SAMD12: variants seen among roughly 807,000 people sequenced by gnomAD.
The protein encoded by SAMD12 is sterile alpha motif domain containing 12.
Under a neutral mutation model 15.0 loss-of-function variants are expected in SAMD12, and 9 were observed. That is an observed-to-expected ratio of 0.60 (90% CI 0.36 to 1.05). The LOEUF (loss-of-function observed/expected upper bound fraction) is 1.05. Among genes scored for constraint, SAMD12 ranks in the 50% least tolerant of loss-of-function variants. The pLI is 0.01. For missense variants in SAMD12, 230 were observed against 234.2 expected (o/e 0.98, Z 0.12); for synonymous variants, 86 against 90.1 (o/e 0.96, Z 0.25).
At chr8:118,590,608 G>A (rs1321705962) in intron 1 of SAMD12, among the ~76,000 whole-genome samples, 1 of 152,234 alleles carries the variant, frequency 6.6e-6, no homozygotes, top group African/African-American at 2.4e-5. Flanking sequence ...AACTCTACCT[G>A]GCAGTAAGTA....
At chr8:118,510,243 C>T (rs189452348) in intron 2 of SAMD12, among the ~76,000 whole-genome samples, 2 of 152,126 alleles carry the variant, frequency 1.3e-5, no homozygotes, top group African/African-American at 4.8e-5. Context: ...CACAAACACG[C>T]ACACATGCAT....
At chr8:118,436,142 A>ATT (rs11422235) in intron 3 of SAMD12, among the ~76,000 whole-genome samples, 1 of 151,852 alleles carries the variant, frequency 6.6e-6, no homozygotes, top group African/African-American at 2.4e-5. Flanking sequence ...TGCAAGCACA[A>ATT]TTTTTTCCTA....
chr8:118,562,687 C>T (rs904539230), intron 2 of SAMD12, among the ~76,000 whole-genome samples: 5 of 152,080 alleles, frequency 3.3e-5, no homozygotes, highest in South Asian at 4.1e-4. Context: ...ACAGCATGCA[C>T]GATGCAGTAA....
the SAMD12 span, among the ~76,000 whole-genome samples, chr8:118,183,166 C>T: frequency 6.6e-6 from 1 of 152,108 alleles, no homozygotes; most frequent in Non-Finnish European, 1.5e-5. Context: ...AGGGAGGCAC[C>T]CAATAAGTAC....
intron 4 of SAMD12, among the ~76,000 whole-genome samples, chr8:118,245,448 G>A (rs75423969): frequency 3.2e-4 from 49 of 152,202 alleles, no homozygotes; most frequent in African/African-American, 1.2e-3. Context: ...TCCCAGCCAC[G>A]TTACACGGTT....
In SAMD12 at chr8:118,518,684, C is replaced by T. The variant is rs188155834; in HGVS notation, c.192+62031G>A. ...AGCCCTGACTGCATAATACACACCT[C>T]GGAATAAGCTTTTCACACCCTACTA... On this transcript the variant is annotated intron_variant, in intron 2 of 3. Coordinates refer to ENST00000314727, the MANE Select transcript of SAMD12 (RefSeq NM_207506.3). Among the ~76,000 whole-genome samples the T allele has an allele frequency of 3.3e-5, 5 of 152,262 alleles. No individual in the cohort carries two copies. In the East Asian group the frequency reaches 7.7e-4, roughly 23 times the overall value.
chr8:118,581,749 C>T (rs1427627871), intron 1 of SAMD12, among the ~76,000 whole-genome samples: 1 of 152,128 alleles, frequency 6.6e-6, no homozygotes, highest in Non-Finnish European at 1.5e-5. Flanking sequence ...CATAAACCAC[C>T]ATGTATGTCT....
intron 2 of SAMD12, among the ~76,000 whole-genome samples, chr8:118,466,350 G>A (rs902353821): frequency 1.3e-5 from 2 of 152,090 alleles, no homozygotes; most frequent in Admixed American, 6.5e-5. Context: ...AGACACTTAC[G>A]AAGACTATAT....
chr8:118,485,540 G>C (rs1044661882), intron 2 of SAMD12, among the ~76,000 whole-genome samples: 7 of 151,946 alleles, frequency 4.6e-5, no homozygotes, highest in African/African-American at 1.5e-4. Context: ...CTTCATTCTG[G>C]ACTATGACAT....
chr8:118,242,190 C>T (rs1046415112), intron 4 of SAMD12, among the ~76,000 whole-genome samples: 1 of 152,186 alleles, frequency 6.6e-6, no homozygotes. Flanking sequence ...TCTGGAATTA[C>T]AGGCTTGGCC....
intron 2 of SAMD12, among the ~76,000 whole-genome samples, chr8:118,445,167 A>C (rs1822874950): frequency 6.6e-6 from 1 of 152,186 alleles, no homozygotes. Flanking sequence ...GAAAAGGAGG[A>C]AACACACACA....
chr8:118,256,955 C>T (rs927615450), intron 4 of SAMD12, among the ~76,000 whole-genome samples: 4 of 152,024 alleles, frequency 2.6e-5, no homozygotes, highest in Non-Finnish European at 4.4e-5. Context: ...CTTCTGCATT[C>T]CTCATTTCCT....
At chr8:118,136,480 C>T in the SAMD12 span, among the ~76,000 whole-genome samples, 1 of 152,104 alleles carries the variant, frequency 6.6e-6, no homozygotes, top group African/African-American at 2.4e-5. Context: ...GTTGTAAATC[C>T]AGATGCTCAC....
At chr8:118,295,020 T>C (rs1814631997) in intron 4 of SAMD12, among the ~76,000 whole-genome samples, 1 of 152,190 alleles carries the variant, frequency 6.6e-6, no homozygotes, top group Non-Finnish European at 1.5e-5. Flanking sequence ...TGCTGGCAGT[T>C]AGAAAGAAGA....
chr8:118,400,653 T>C (rs1004360785), intron 3 of SAMD12: 1 of 152,232 alleles, frequency 6.6e-6, no homozygotes, highest in African/African-American at 2.4e-5. Flanking sequence ...CAGCTTGCTT[T>C]TTACAACTGA....
chr8:118,269,819 C>T (rs539535794), intron 4 of SAMD12, among the ~76,000 whole-genome samples: 3 of 152,096 alleles, frequency 2.0e-5, no homozygotes, highest in South Asian at 2.1e-4. Context: ...ACCTGCACCC[C>T]CCTTCCTTCC....
chr8:118,582,644 A>G (rs1325906963), intron 1 of SAMD12, among the ~76,000 whole-genome samples: 1 of 152,202 alleles, frequency 6.6e-6, no homozygotes, highest in African/African-American at 2.4e-5. Flanking sequence ...ACTCTGAGAC[A>G]TAACTATGTT....
Position 118,612,018 on chromosome 8 carries a change from G to A in SAMD12, c.13+9786C>T, listed in dbSNP as rs529270587. On this transcript the variant is annotated intron_variant, in intron 1 of 3. Transcript: ENST00000314727. ...CTCAGTTCTAAATCAGAATCACACA[G>A]CACAGCAAAATATAAGCCTCACCCC... 3.9e-5 allele frequency among the ~76,000 whole-genome samples: 6 copies of A among 152,180 alleles called. No homozygotes were observed. In the South Asian group the frequency reaches 8.3e-4, roughly 21 times the overall value.
intron 1 of SAMD12, among the ~76,000 whole-genome samples, chr8:118,599,724 C>G (rs1039457590): frequency 6.6e-6 from 1 of 152,138 alleles, no homozygotes; most frequent in Non-Finnish European, 1.5e-5. Flanking sequence ...GATCACATGA[C>G]CTGGGCAGTC....
Sources: allele counts gnomAD v4.1 joint callset (sites outside exome capture counted in the v4.1 genomes callset), GRCh38; gene constraint gnomAD v4.1.1; transcripts MANE v1.5; gene names NCBI Gene and HGNC (gene_info 2026-07-23, HGNC 2026-07-21).